The following CSGALNACT1 variants were observed in gnomAD, a reference collection of about 807,000 sequenced individuals.
The protein encoded by CSGALNACT1 is chondroitin sulfate N-acetylgalactosaminyltransferase 1.
Under a neutral mutation model 51.0 loss-of-function variants are expected in CSGALNACT1, and 52 were observed. The ratio of observed to expected loss-of-function variants is 1.02; its 90% CI spans 0.82 to 1.29. The LOEUF (loss-of-function observed/expected upper bound fraction) is 1.29, where lower values mean the gene tolerates loss of function less well. Ranked by LOEUF, CSGALNACT1 falls within the 50% of genes most tolerant of loss-of-function variation. The pLI is 0.00. For synonymous variants in CSGALNACT1, 341 were observed against 254.4 expected (o/e 1.34, Z -3.24); for missense variants, 935 against 679.2 (o/e 1.38, Z -4.19).
intron 1 of CSGALNACT1, among the ~76,000 whole-genome samples, chr8:19,694,223 C>A (rs59187853): frequency 0.15 from 23,020 of 152,104 alleles, 2,077 homozygotes; most frequent in East Asian, 0.41. Flanking sequence ...TACAAAGATA[C>A]AACAGATGTA....
chr8:19,665,931 T>C (rs116608026), intron 1 of CSGALNACT1, among the ~76,000 whole-genome samples: 101 of 152,326 alleles, frequency 6.6e-4, no homozygotes, highest in African/African-American at 2.3e-3. Flanking sequence ...TCTAACCACA[T>C]TGTCGATTTT....
intron 3 of CSGALNACT1, among the ~76,000 whole-genome samples, chr8:19,508,376 A>G (rs1420302644): frequency 1.3e-5 from 2 of 152,234 alleles, no homozygotes; most frequent in Non-Finnish European, 2.9e-5. Context: ...TAACATTCTA[A>G]TATTTCCTTC....
intron 2 of CSGALNACT1, among the ~76,000 whole-genome samples, chr8:19,594,799 A>G (rs1485472408): frequency 6.6e-6 from 1 of 151,396 alleles, no homozygotes; most frequent in African/African-American, 2.4e-5. Context: ...TGATCCACCC[A>G]CCTTGGCCTT....
exon 4 of CSGALNACT1, chr8:19,506,071 A>G: frequency 1.5e-6 from 1 of 675,900 alleles, no homozygotes; most frequent in Non-Finnish European, 2.7e-6. Flanking sequence ...GAAATCTCCA[A>G]GTTTTCACCT....
intron 3 of CSGALNACT1, among the ~76,000 whole-genome samples, chr8:19,561,712 T>C (rs2040765050): frequency 1.3e-5 from 2 of 152,328 alleles, no homozygotes; most frequent in African/African-American, 4.8e-5. Context: ...TCTGACCTTG[T>C]TACTAGAAAC....
chr8:19,739,400 A>C (rs956412790), intron 1 of CSGALNACT1, among the ~76,000 whole-genome samples: 4 of 152,100 alleles, frequency 2.6e-5, no homozygotes, highest in Admixed American at 2.6e-4. Context: ...CCCACCTTTT[A>C]GCTGCTGTTA....
intron 1 of CSGALNACT1, among the ~76,000 whole-genome samples, chr8:19,660,997 C>G (rs1241900908): frequency 1.3e-5 from 2 of 152,156 alleles, no homozygotes; most frequent in Admixed American, 6.5e-5. Flanking sequence ...ATTGCAACCT[C>G]TGCCTCCTGG....
Position 19,598,767 on chromosome 8 carries a change from C to G in CSGALNACT1, c.-416+3004G>C, listed in dbSNP as rs566227066. On this transcript the variant is annotated intron_variant, in intron 2 of 9. Coordinates refer to ENST00000454498, the Ensembl canonical transcript of CSGALNACT1. Reference sequence around the variant, plus strand: ...GGGGTGAGTTCAGGAGACGACTGCGCAAACAATAATGACAATGCAATGACA... The same window carrying G: ...GGGGTGAGTTCAGGAGACGACTGCGGAAACAATAATGACAATGCAATGACA... 9.2e-5 allele frequency among the ~76,000 whole-genome samples: 14 copies of G among 152,284 alleles called. No homozygotes were observed. In the East Asian group the frequency reaches 2.7e-3, roughly 29 times the overall value.
chr8:19,620,125 C>T (rs2053620906), intron 1 of CSGALNACT1, among the ~76,000 whole-genome samples: 1 of 151,810 alleles, frequency 6.6e-6, no homozygotes, highest in African/African-American at 2.4e-5. Flanking sequence ...CCAACCTGGC[C>T]AATGTGGGGA....
intron 1 of CSGALNACT1, among the ~76,000 whole-genome samples, chr8:19,720,174 AG>A (rs1248109363): frequency 6.6e-6 from 1 of 152,224 alleles, no homozygotes; most frequent in East Asian, 1.9e-4. Flanking sequence ...TCCTTCTCCT[AG>A]CACAAGAGAA....
intron 9 of CSGALNACT1, among the ~76,000 whole-genome samples, chr8:19,407,439 A>G (rs958332384): frequency 3.3e-5 from 5 of 152,036 alleles, no homozygotes; most frequent in Admixed American, 6.6e-5. Flanking sequence ...ATCGCAGCTG[A>G]GCCCCTGCAC....
intron 1 of CSGALNACT1, among the ~76,000 whole-genome samples, chr8:19,652,309 C>A (rs1265490568): frequency 6.6e-6 from 1 of 152,042 alleles, no homozygotes; most frequent in Non-Finnish European, 1.5e-5. Flanking sequence ...TAATAACTTT[C>A]CTTAAGGTAA....
intron 3 of CSGALNACT1, among the ~76,000 whole-genome samples, chr8:19,526,190 T>C (rs2081660507): frequency 6.6e-6 from 1 of 152,150 alleles, no homozygotes; most frequent in Non-Finnish European, 1.5e-5. Flanking sequence ...GAAAGGGACA[T>C]GGGATTGGGA....
chr8:19,645,385 C>A (rs1049844057), intron 1 of CSGALNACT1, among the ~76,000 whole-genome samples: 1 of 152,190 alleles, frequency 6.6e-6, no homozygotes, highest in Non-Finnish European at 1.5e-5. Flanking sequence ...ACTCAAGCAC[C>A]AAATTCCCTT....
chr8:19,747,921 A>G (rs1457600319), intron 1 of CSGALNACT1, among the ~76,000 whole-genome samples: 1 of 152,230 alleles, frequency 6.6e-6, no homozygotes, highest in Non-Finnish European at 1.5e-5. Context: ...AGTTTAGTTA[A>G]AAGATGAAAG....
intron 3 of CSGALNACT1, among the ~76,000 whole-genome samples, chr8:19,577,246 G>A (rs188709591): frequency 7.5e-4 from 114 of 152,180 alleles, no homozygotes; most frequent in African/African-American, 2.5e-3. Context: ...TACTGCTGGG[G>A]ATGAGTCGTG....
intron 4 of CSGALNACT1, among the ~76,000 whole-genome samples, chr8:19,473,219 T>C (rs2068621279): frequency 6.6e-6 from 1 of 152,212 alleles, no homozygotes; most frequent in Admixed American, 6.5e-5. Context: ...AATATTCGGG[T>C]CAAGGCAATG....
chr8:19,591,383 G>C (rs1261903406), intron 2 of CSGALNACT1: 2 of 152,192 alleles, frequency 1.3e-5, no homozygotes, highest in East Asian at 1.9e-4. Context: ...ACTTAGAAGT[G>C]TGAGCTATTC....
intron 1 of CSGALNACT1, among the ~76,000 whole-genome samples, chr8:19,701,075 A>G (rs1386965519): frequency 6.6e-6 from 1 of 150,626 alleles, no homozygotes; most frequent in Non-Finnish European, 1.5e-5. Context: ...CAAGACAGAA[A>G]TGATGGCTGG....
Sources: allele counts gnomAD v4.1 joint callset (sites outside exome capture counted in the v4.1 genomes callset), GRCh38; gene constraint gnomAD v4.1.1; transcripts MANE v1.5; gene names NCBI Gene and HGNC (gene_info 2026-07-23, HGNC 2026-07-21).